The following KIF21A variants were observed in gnomAD, a reference collection of about 807,000 sequenced individuals.
KIF21A encodes the protein kinesin family member 21A.
KIF21A carries 114 observed loss-of-function variants against 202.9 expected under a neutral mutation model. That is an observed-to-expected ratio of 0.56 (90% CI 0.48 to 0.66). The LOEUF (loss-of-function observed/expected upper bound fraction) is 0.66. Ranked by LOEUF, KIF21A falls within the 30% of genes least tolerant of loss-of-function variation. The pLI is 0.00. For missense variants in KIF21A, 1,677 were observed against 1,994.9 expected, an observed-to-expected ratio of 0.84 and a Z score of 3.04; for synonymous variants, 667 against 670.8, an observed-to-expected ratio of 0.99 and a Z score of 0.09.
At chr12:39,378,579 T>A (rs1276233584) in intron 1 of KIF21A, among the ~76,000 whole-genome samples, 1 of 152,156 alleles carries the variant, frequency 6.6e-6, no homozygotes, top group Admixed American at 6.5e-5. Flanking sequence ...TTTTCCAAAG[T>A]GCTCATAAAA....
Position 39,367,093 on chromosome 12 carries a change from A to G in KIF21A, c.672T>C (p.Ser224=). Residue 224 remains serine, a synonymous_variant, in exon 5 of 38, where the codon TCT becomes TCC. Coordinates refer to ENST00000361418, the MANE Select transcript of KIF21A (RefSeq NM_001173464.2). ...TASTQMNVQS[S]RSHAIFTIHV... is the part of the protein sequence containing the mutation. ...GAATGGTAAAAATGGCATGTGAACG[A>G]GAGCTCTGAACATTCATCTGGGTAC... 13 of 1,613,690 alleles carry G rather than the reference A, an allele frequency of 8.1e-6. No individual in the cohort carries two copies. Among genetic ancestry groups the G allele is most frequent in the Non-Finnish European group, 1.0e-5 (12 of 1,179,600 alleles).
In KIF21A at chr12:39,293,585, T is replaced by G. The variant is rs1942037057; in HGVS notation, c.*839A>C. The G allele has an allele frequency of 6.6e-6, 1 of 152,076 alleles. No homozygotes were observed. Among genetic ancestry groups the G allele is most frequent in the Admixed American group, 6.6e-5 (1 of 15,218 alleles). The allele number at this position is 152,076 out of a possible 1,614,324, so 9.4% of individuals were successfully genotyped here. Reference sequence around the variant, plus strand: ...AATATATTTAGCAGCATATAAAAAATTAGATAAAAGGGAAGGAAATACTAC... The same window carrying G: ...AATATATTTAGCAGCATATAAAAAAGTAGATAAAAGGGAAGGAAATACTAC... On this transcript the variant is annotated 3_prime_UTR_variant, in exon 38 of 38. Coordinates refer to ENST00000361418, the MANE Select transcript of KIF21A (RefSeq NM_001173464.2).
At chr12:39,407,975 C>T (rs868294426) in intron 1 of KIF21A, among the ~76,000 whole-genome samples, 3 of 149,816 alleles carry the variant, frequency 2.0e-5, no homozygotes, top group East Asian at 2.0e-4. Flanking sequence ...GAAAAGAAAA[C>T]GTGACAAATA....
chr12:39,385,778 C>T (rs553900131), intron 1 of KIF21A, among the ~76,000 whole-genome samples: 1 of 152,240 alleles, frequency 6.6e-6, no homozygotes, highest in Non-Finnish European at 1.5e-5. Context: ...GAGGGAAAAA[C>T]TCACAGGTGA....
intron 1 of KIF21A, among the ~76,000 whole-genome samples, chr12:39,422,701 G>A (rs1191450207): frequency 1.3e-5 from 2 of 152,140 alleles, no homozygotes; most frequent in Non-Finnish European, 2.9e-5. Context: ...TATGCCAAAA[G>A]TTCATCAAAC....
chr12:39,384,500 C>G (rs772233812), intron 1 of KIF21A, among the ~76,000 whole-genome samples: 10 of 152,184 alleles, frequency 6.6e-5, no homozygotes, highest in Non-Finnish European at 1.0e-4. Context: ...CCCACTCCCC[C>G]ATTCTTGGAC....
chr12:39,341,884 T>C (rs943216429), intron 13 of KIF21A, 150 bp downstream of exon 13: 4 of 709,264 alleles, frequency 5.6e-6, no homozygotes, highest in African/African-American at 1.8e-5. Flanking sequence ...TTATAGCTTG[T>C]ATCTCTGAAG....
At position 39,294,095 on chromosome 12, in the gene KIF21A, C is replaced by T. The variant is rs1942072581; in HGVS notation, c.*329G>A. On this transcript the variant is annotated 3_prime_UTR_variant, in exon 38 of 38. Transcript: ENST00000361418. ...CTGCATCGTATTCCAGGTGTGTTTT[C>T]TGACTGTCACAAAAGCAGACGTCTT... 3.8e-6 allele frequency: 1 copy of T among 261,616 alleles called. No individual in the cohort carries two copies. The allele number at this position is 261,616 out of a possible 1,614,324, so 16.2% of individuals were successfully genotyped here.
At chr12:39,404,168 C>A (rs1952397971) in intron 1 of KIF21A, among the ~76,000 whole-genome samples, 2 of 152,154 alleles carry the variant, frequency 1.3e-5, no homozygotes, top group Admixed American at 1.3e-4. Context: ...TACTCTACTA[C>A]CTCCAAGTGC....
At chr12:39,433,597 T>C (rs1418259929) in intron 1 of KIF21A, among the ~76,000 whole-genome samples, 1 of 152,190 alleles carries the variant, frequency 6.6e-6, no homozygotes, top group East Asian at 1.9e-4. Context: ...GTTACCATTC[T>C]CTTACATTAG....
At chr12:39,400,820 C>T (rs73086896) in intron 1 of KIF21A, among the ~76,000 whole-genome samples, 1,661 of 152,226 alleles carry the variant, frequency 0.011, 37 homozygotes, top group African/African-American at 0.036. Flanking sequence ...GAGACATGTA[C>T]TGCCAAGATG....
intron 1 of KIF21A, among the ~76,000 whole-genome samples, chr12:39,397,902 A>T (rs1461104900): frequency 6.6e-6 from 1 of 152,274 alleles, no homozygotes; most frequent in African/African-American, 2.4e-5. Context: ...ACACAATGGT[A>T]GAATGTGTTC....
At position 39,332,724 on chromosome 12, in the gene KIF21A, C is replaced by T. The variant is rs1307979882; in HGVS notation, c.2723G>A (p.Gly908Glu). ...GGAAATAAACACTCGGCCAGTCAAT[C>T]CTTTCCTCTGATATTTTTTCCTATA... ...NGNRKKYQRK[G>E]LTGRVFISKT... The change falls in exon 20 of 38, where the codon GGA becomes GAA. Residue 908 changes from glycine to glutamate, a missense_variant. Around this residue, in one of 3 missense-constraint regions of KIF21A, gnomAD observed 966 missense variants for 1,180.9 expected, o/e 0.82. Coordinates refer to ENST00000361418, the MANE Select transcript of KIF21A (RefSeq NM_001173464.2). The T allele has an allele frequency of 1.2e-6, 2 of 1,614,096 alleles. No homozygotes were observed. Among genetic ancestry groups the T allele is most frequent in the Middle Eastern group, 3.3e-4 (2 of 6,056 alleles).
intron 34 of KIF21A, among the ~76,000 whole-genome samples, chr12:39,305,404 C>T (rs1339961533): frequency 6.6e-6 from 1 of 150,650 alleles, no homozygotes; most frequent in Non-Finnish European, 1.5e-5. Flanking sequence ...GATGGGGTTC[C>T]ATTATGTTGC....
chr12:39,343,275 G>A (rs551420632), intron 12 of KIF21A, among the ~76,000 whole-genome samples: 16 of 152,068 alleles, frequency 1.1e-4, no homozygotes, highest in Non-Finnish European at 1.8e-4. Flanking sequence ...CAGGAGAATC[G>A]CTTGAACCCG....
chr12:39,324,229 C>T (rs1427315073), intron 26 of KIF21A, among the ~76,000 whole-genome samples: 1 of 152,152 alleles, frequency 6.6e-6, no homozygotes, highest in African/African-American at 2.4e-5. Context: ...TTTTTATACT[C>T]TTAATTCTCT....
At chr12:39,384,216 T>C (rs957059943) in intron 1 of KIF21A, among the ~76,000 whole-genome samples, 4 of 152,164 alleles carry the variant, frequency 2.6e-5, no homozygotes, top group Non-Finnish European at 1.5e-5. Context: ...ACTCATGGAG[T>C]TTTTTTACTT....
intron 1 of KIF21A, among the ~76,000 whole-genome samples, chr12:39,441,052 G>A (rs572853148): frequency 1.3e-5 from 2 of 151,800 alleles, no homozygotes; most frequent in South Asian, 4.2e-4. Context: ...GAGAGAAAGA[G>A]AAAGGAAAGA....
At chr12:39,411,153 A>G (rs900449605) in intron 1 of KIF21A, among the ~76,000 whole-genome samples, 12 of 152,206 alleles carry the variant, frequency 7.9e-5, no homozygotes, top group African/African-American at 2.9e-4. Context: ...GATATTGTCC[A>G]TGCCTCTTTT....
Sources: gnomAD v4.1 joint callset for allele counts (sites outside exome capture counted in the v4.1 genomes callset) on GRCh38, gnomAD v4.1.1 for gene constraint, gnomAD v4.1.1 regional missense constraint, MANE v1.5 for transcripts, NCBI Gene and HGNC (gene_info 2026-07-23, HGNC 2026-07-21) for gene names.